The following TXNDC15 variants were observed in gnomAD, a reference collection of about 807,000 sequenced individuals.
The protein encoded by TXNDC15 is thioredoxin domain containing 15, also known as thioredoxin domain-containing protein 15.
A neutral mutation model predicts 35.0 loss-of-function variants in TXNDC15; 24 were observed. The observed-to-expected ratio is 0.68, with a 90% CI of 0.50 to 0.96. The LOEUF (loss-of-function observed/expected upper bound fraction) is 0.96, where lower values mean the gene tolerates loss of function less well. Among genes scored for constraint, TXNDC15 ranks in the 40% least tolerant of loss-of-function variants. The pLI, the probability that TXNDC15 is intolerant of heterozygous loss-of-function variation, is 0.00. For synonymous variants in TXNDC15, 169 were observed against 174.0 expected, an observed-to-expected ratio of 0.97 and a Z score of 0.23; for missense variants, 385 against 453.3, an observed-to-expected ratio of 0.85 and a Z score of 1.37.
At chr5:134,887,120 G>A (rs1750290869) in intron 1 of TXNDC15, among the ~76,000 whole-genome samples, 2 of 152,332 alleles carry the variant, frequency 1.3e-5, no homozygotes, top group South Asian at 4.1e-4. Flanking sequence ...CACATGGCAA[G>A]CAGCAAGTTT....
chr5:134,901,361 C>T lies in TXNDC15; in HGVS notation c.*1676C>T, dbSNP rs1226793087. On this transcript the variant is annotated 3_prime_UTR_variant, in exon 5 of 5. Transcript: ENST00000358387. Reference sequence around the variant, plus strand: ...GGTCACTGGCAGGAGGGGACCGTATCTCAGAATGGCACATTATTTCTATTT... The same window carrying T: ...GGTCACTGGCAGGAGGGGACCGTATTTCAGAATGGCACATTATTTCTATTT... 6.6e-6 allele frequency: 1 copy of T among 152,148 alleles called. No homozygotes were observed. Among genetic ancestry groups the T allele is most frequent in the Non-Finnish European group, 1.5e-5 (1 of 68,038 alleles). The allele number at this position is 152,148 out of a possible 1,614,324, so 9.4% of individuals were successfully genotyped here.
chr5:134,883,630 C>A (rs1460182565), intron 1 of TXNDC15, among the ~76,000 whole-genome samples: 1 of 144,722 alleles, frequency 6.9e-6, no homozygotes, highest in Non-Finnish European at 1.5e-5. Flanking sequence ...AAAGGCTAGG[C>A]CTGGTGGCTC....
chr5:134,894,222 T>C (rs1323636476), intron 3 of TXNDC15, among the ~76,000 whole-genome samples: 1 of 152,142 alleles, frequency 6.6e-6, no homozygotes, highest in Non-Finnish European at 1.5e-5. Flanking sequence ...ACATTTATCT[T>C]TGTTTTATAT....
At chr5:134,896,192 C>T (rs1054588989) in intron 3 of TXNDC15, 102 bp from the exon 4 acceptor site, 17 of 1,394,112 alleles carry the variant, frequency 1.2e-5, no homozygotes, top group Middle Eastern at 2.6e-4. Context: ...GTAGGTCACA[C>T]GCAACTTCCT....
chr5:134,892,139 T>C lies in TXNDC15; in HGVS notation c.592-1353T>C, dbSNP rs992977438. On this transcript the variant is annotated intron_variant, in intron 2 of 4. Coordinates refer to ENST00000358387, the MANE Select transcript of TXNDC15 (RefSeq NM_024715.4). ...ACCTTCATCAATTCTCTTAGCTAGA[T>C]GTTCTGGGTAAGTTGTTGCAGCTTC... is the stretch of plus-strand genomic sequence containing the variant. 7 of 152,280 alleles carry C rather than the reference T, an allele frequency of 4.6e-5. 1 individual carries two copies. Among genetic ancestry groups the C allele is most frequent in the Admixed American group, 4.6e-4 (7 of 15,294 alleles). 9.4% of individuals were successfully genotyped at this position (152,280 alleles called of 1,614,324 possible).
chr5:134,883,240 C>T (rs567580517), intron 1 of TXNDC15, among the ~76,000 whole-genome samples: 142 of 151,890 alleles, frequency 9.3e-4, no homozygotes, highest in Non-Finnish European at 1.6e-3. Context: ...GCCTGGCCAA[C>T]ATGATGAAAC....
chr5:134,888,441 G>A (rs1027649270), intron 2 of TXNDC15, among the ~76,000 whole-genome samples: 1 of 152,146 alleles, frequency 6.6e-6, no homozygotes. Context: ...CAAACCTCAC[G>A]ATAGAAATCC....
intron 1 of TXNDC15, among the ~76,000 whole-genome samples, chr5:134,878,235 G>A (rs1251034007): frequency 6.6e-6 from 1 of 152,162 alleles, no homozygotes; most frequent in Non-Finnish European, 1.5e-5. Flanking sequence ...ATAGAACTTA[G>A]TTATTGTGCC....
At chr5:134,880,874 G>T (rs1278597875) in intron 1 of TXNDC15, among the ~76,000 whole-genome samples, 1 of 151,894 alleles carries the variant, frequency 6.6e-6, no homozygotes, top group Non-Finnish European at 1.5e-5. Context: ...CTGCTTTAAA[G>T]ATTTTTTTCT....
chr5:134,887,711 T>G lies in TXNDC15; in HGVS notation c.120T>G (p.Gly40=). The change falls in exon 2 of 5, where the codon GGT becomes GGG. Residue 40 remains glycine, a synonymous_variant. Transcript: ENST00000358387. ...VRGVEVAEES[G]RLWSEEQPAH... ...ATGTTTTAGTTGCAGAGGAAAGTGG[T>G]CGCTTATGGTCAGAGGAGCAGCCTG... The G allele has an allele frequency of 6.3e-7, 1 of 1,575,912 alleles. No homozygotes were observed. Among genetic ancestry groups the G allele is most frequent in the African/African-American group, 1.4e-5 (1 of 73,908 alleles).
intron 2 of TXNDC15, among the ~76,000 whole-genome samples, chr5:134,890,309 C>T (rs182166195): frequency 2.0e-5 from 3 of 151,986 alleles, no homozygotes; most frequent in Admixed American, 6.6e-5. Flanking sequence ...TGTTGTGAGT[C>T]GTGAACCACC....
At chr5:134,877,314 C>T (rs968034276) in intron 1 of TXNDC15, among the ~76,000 whole-genome samples, 4 of 152,146 alleles carry the variant, frequency 2.6e-5, no homozygotes, top group Admixed American at 2.0e-4. Context: ...AGACAGAGGC[C>T]ACATTGGGGC....
At chr5:134,876,230 C>T (rs571309047) in intron 1 of TXNDC15, among the ~76,000 whole-genome samples, 1 of 152,280 alleles carries the variant, frequency 6.6e-6, no homozygotes, top group African/African-American at 2.4e-5. Context: ...CCCTGTGTGG[C>T]TGTCCTGTGT....
intron 4 of TXNDC15, among the ~76,000 whole-genome samples, chr5:134,896,651 CT>C (rs11438328): frequency 0.051 from 6,894 of 134,276 alleles, 360 homozygotes; most frequent in African/African-American, 0.17. Flanking sequence ...TTTTTTTTCC[CT>C]TTTTTTTTTT....
chr5:134,882,080 C>G lies in TXNDC15; in HGVS notation c.104-5615C>G, dbSNP rs563091505. 1.7e-4 allele frequency among the ~76,000 whole-genome samples: 26 copies of G among 151,508 alleles called. No homozygotes were observed. In the East Asian group the frequency reaches 4.9e-3, roughly 29 times the overall value. ...GGCTGCTGGGCGGAGGGGCTCCTCA[C>G]TTCTCAGACAGGGCGGTTGCCAGGC... On this transcript the variant is annotated intron_variant, in intron 1 of 4. Transcript: ENST00000358387.
chr5:134,875,367 G>T lies in TXNDC15; in HGVS notation c.103+837G>T, dbSNP rs115460101. 3,118 of 456,276 alleles carry T rather than the reference G, an allele frequency of 6.8e-3. 30 individuals carry two copies. The highest frequency in any genetic ancestry group is 0.013 in the Middle Eastern group (40 of 3,076). The allele number at this position is 456,276 out of a possible 1,614,324, so 28.3% of individuals were successfully genotyped here. On this transcript the variant is annotated intron_variant, in intron 1 of 4. Coordinates refer to ENST00000358387, the MANE Select transcript of TXNDC15 (RefSeq NM_024715.4). ...TTTTCCCTGGGGTGTCCTGGATGGA[G>T]GCAGGACAGCAGAGAGTTGTGGAGA... is the stretch of plus-strand genomic sequence containing the variant.
At chr5:134,881,061 T>C (rs1487031471) in intron 1 of TXNDC15, among the ~76,000 whole-genome samples, 2 of 151,804 alleles carry the variant, frequency 1.3e-5, no homozygotes, top group African/African-American at 4.8e-5. Flanking sequence ...TTGCCAGTAC[T>C]CCAGTTACTG....
At chr5:134,881,667 A>G (rs1379789611) in intron 1 of TXNDC15, among the ~76,000 whole-genome samples, 6 of 141,712 alleles carry the variant, frequency 4.2e-5, no homozygotes, top group Admixed American at 1.4e-4. Flanking sequence ...CAAAACTGCC[A>G]TTGTCATCAT....
intron 1 of TXNDC15, among the ~76,000 whole-genome samples, chr5:134,884,606 G>A (rs140340987): frequency 5.3e-4 from 80 of 151,672 alleles, no homozygotes; most frequent in Admixed American, 1.1e-3. Context: ...TCACTCTTTC[G>A]CCCAGGCTGG....
Sources: allele counts gnomAD v4.1 joint callset (sites outside exome capture counted in the v4.1 genomes callset), GRCh38; gene constraint gnomAD v4.1.1; transcripts MANE v1.5; gene names NCBI Gene and HGNC (gene_info 2026-07-23, HGNC 2026-07-21).